NCOR2: variants seen among roughly 807,000 people sequenced by gnomAD.
NCOR2 encodes the protein nuclear receptor corepressor 2.
NCOR2 carries 81 observed loss-of-function variants against 262.9 expected under a neutral mutation model. That is an observed-to-expected ratio of 0.31 (90% CI 0.26 to 0.37). NCOR2 has a LOEUF of 0.37. NCOR2 is among the 10% of genes least tolerant of loss of function. The pLI is 1.00. For missense variants in NCOR2, 3,385 were observed against 3,621.4 expected, an observed-to-expected ratio of 0.93 and a Z score of 1.68; for synonymous variants, 1,659 against 1,559.3, an observed-to-expected ratio of 1.06 and a Z score of -1.51.
At chr12:124,325,108 T>G in exon 47 of NCOR2, 13 of 244,706 alleles carry the variant, frequency 5.3e-5, no homozygotes, top group Non-Finnish European at 7.1e-5. Flanking sequence ...GCCGCCTGCG[T>G]GTGGCTGCCA....
chr12:124,536,920 G>A (rs1187537405), upstream of NCOR2, among the ~76,000 whole-genome samples: 2 of 152,146 alleles, frequency 1.3e-5, no homozygotes, highest in Non-Finnish European at 2.9e-5. Flanking sequence ...ACAGGTGAAC[G>A]GATAAACAGT....
exon 47 of NCOR2, chr12:124,324,473 C>G (rs2034495783): frequency 6.6e-6 from 1 of 152,210 alleles, no homozygotes; most frequent in Non-Finnish European, 1.5e-5. Context: ...ATACCACCAC[C>G]CTGCGCAGAT....
intron 1 of NCOR2, among the ~76,000 whole-genome samples, chr12:124,542,250 C>T (rs2137226880): frequency 6.6e-6 from 1 of 151,950 alleles, no homozygotes; most frequent in South Asian, 2.1e-4. Context: ...CCTCGGGGCT[C>T]CTGTGCCTCC....
chr12:124,419,374 A>G (rs1056421891), intron 13 of NCOR2, among the ~76,000 whole-genome samples: 1 of 152,216 alleles, frequency 6.6e-6, no homozygotes, highest in Admixed American at 6.5e-5. Context: ...CTGTGTTCCA[A>G]TAAAACTTTA....
At chr12:124,401,775 TGGGAGACG>T (rs2136200792) in intron 14 of NCOR2, among the ~76,000 whole-genome samples, 1 of 152,312 alleles carries the variant, frequency 6.6e-6, no homozygotes, top group South Asian at 2.1e-4. Context: ...TGGAAGCGTC[TGGGAGACG>T]GGGTGAGGAA....
exon 32 of NCOR2, chr12:124,344,867 G>C: frequency 6.3e-7 from 1 of 1,576,094 alleles, no homozygotes. Flanking sequence ...GGGAACGTCC[G>C]GCCGGGGCTG....
At chr12:124,416,680 G>A (rs1053948313) in intron 13 of NCOR2, among the ~76,000 whole-genome samples, 16 of 131,750 alleles carry the variant, frequency 1.2e-4, no homozygotes, top group African/African-American at 2.1e-4. Flanking sequence ...AGGGAGACCC[G>A]CGACACAGGG....
chr12:124,354,623 C>G, intron 25 of NCOR2, 41 bp from the exon 28 acceptor site: 1 of 1,470,752 alleles, frequency 6.8e-7, no homozygotes, highest in Non-Finnish European at 9.0e-7. Flanking sequence ...GCTGCCGGAG[C>G]AGGGTCCCGG....
chr12:124,513,127 T>TGCCCACCCAGCC (rs1298639218), intron 1 of NCOR2: 2 of 152,468 alleles, frequency 1.3e-5, no homozygotes, highest in East Asian at 3.9e-4. Context: ...CCCACACAGC[T>TGCCCACCCAGCC]GCCCACCCAG....
intron 12 of NCOR2, among the ~76,000 whole-genome samples, chr12:124,420,757 T>C (rs2043159619): frequency 6.6e-6 from 1 of 152,014 alleles, no homozygotes; most frequent in African/African-American, 2.4e-5. Context: ...AGCTTGCCAA[T>C]GCCCACAGCC....
At chr12:124,533,568 C>T (rs139531880) in intron 1 of NCOR2, among the ~76,000 whole-genome samples, 397 of 152,256 alleles carry the variant, frequency 2.6e-3, no homozygotes, top group African/African-American at 8.6e-3. Flanking sequence ...GACTTTTGGT[C>T]ATGGTCTGTC....
In NCOR2 at chr12:124,355,414, G is replaced by A; in HGVS notation, c.3381+18C>T. 1 of 1,612,864 alleles carries A rather than the reference G, an allele frequency of 6.2e-7. No homozygotes were observed. The highest frequency in any genetic ancestry group is 8.5e-7 in the Non-Finnish European group (1 of 1,179,614). Reference sequence around the variant, plus strand: ...ATAAGAAGACTAAGCCCCCAAGAAAGGAAGGGCTACCACTCACTTGGGAGA... The same window carrying A: ...ATAAGAAGACTAAGCCCCCAAGAAAAGAAGGGCTACCACTCACTTGGGAGA... On this transcript the variant is annotated intron_variant, in intron 24 of 46. Transcript: ENST00000405201.
chr12:124,524,337 G>A (rs1470472867), intron 1 of NCOR2, among the ~76,000 whole-genome samples: 1 of 152,166 alleles, frequency 6.6e-6, no homozygotes, highest in Non-Finnish European at 1.5e-5. Flanking sequence ...TCCTCCCTGT[G>A]TCTGAGTTTG....
intron 8 of NCOR2, among the ~76,000 whole-genome samples, 195 bp downstream of exon 10, chr12:124,437,735 C>A (rs2044437947): frequency 6.6e-6 from 1 of 152,110 alleles, no homozygotes; most frequent in Non-Finnish European, 1.5e-5. Flanking sequence ...CCACCCCCAC[C>A]CACCCTGGGG....
intron 28 of NCOR2, among the ~76,000 whole-genome samples, chr12:124,349,509 G>GAA (rs1242028010): frequency 6.6e-6 from 1 of 152,194 alleles, no homozygotes; most frequent in African/African-American, 2.4e-5. Flanking sequence ...ACGGAGATGA[G>GAA]AAACCTGGCT....
At chr12:124,335,202 G>T (rs199899276) in exon 40 of NCOR2, 3 of 1,611,138 alleles carry the variant, frequency 1.9e-6, no homozygotes, top group East Asian at 4.5e-5. Flanking sequence ...CTGGAGCAGC[G>T]GGCTGGACGA....
chr12:124,420,017 C>T (rs1275605193), exon 13 of NCOR2: 14 of 1,613,848 alleles, frequency 8.7e-6, no homozygotes, highest in Middle Eastern at 1.6e-4. Context: ...TCTCATTCTT[C>T]TTAGTCAGGT....
chr12:124,540,659 G>T (rs1366442654), intron 1 of NCOR2, among the ~76,000 whole-genome samples: 2 of 4,490 alleles, frequency 4.5e-4, no homozygotes, highest in African/African-American at 2.7e-3. Flanking sequence ...GACTGGAGGG[G>T]GATGGGGAGT....
chr12:124,460,438 G>A (rs930299333), intron 5 of NCOR2, among the ~76,000 whole-genome samples: 3 of 152,322 alleles, frequency 2.0e-5, no homozygotes, highest in South Asian at 2.1e-4. Flanking sequence ...AGAGGCCAGC[G>A]CTGGCCACCA....
Sources: gnomAD v4.1 joint callset for allele counts (sites outside exome capture counted in the v4.1 genomes callset) on GRCh38, gnomAD v4.1.1 for gene constraint, MANE v1.5 for transcripts, NCBI Gene and HGNC (gene_info 2026-07-23, HGNC 2026-07-21) for gene names.